Variants in OSBPL10 observed in about 807,000 individuals in gnomAD.
OSBPL10 encodes oxysterol-binding protein-related protein 10.
A neutral mutation model predicts 81.7 loss-of-function variants in OSBPL10; 49 were observed. That is an observed-to-expected ratio of 0.60 (90% confidence interval 0.48 to 0.76). The LOEUF is 0.76. Ranked by LOEUF, OSBPL10 falls within the 30% of genes least tolerant of loss-of-function variation. The pLI is 0.00. For missense variants in OSBPL10, 923 were observed against 987.8 expected (o/e 0.93, Z 0.88); for synonymous variants, 419 against 383.6 (o/e 1.09, Z -1.08).
intron 5 of OSBPL10, among the ~76,000 whole-genome samples, chr3:31,743,143 C>T (rs67856546): frequency 0.3 from 44,407 of 146,098 alleles, 6,888 homozygotes; most frequent in Middle Eastern, 0.37. Flanking sequence ...AGGGTTCAAG[C>T]GAATCTCCTG....
In OSBPL10 at chr3:31,702,340, A is replaced by T. The variant is rs761931930; in HGVS notation, c.1245+19T>A. On this transcript the variant is annotated intron_variant, in intron 7 of 11. Coordinates refer to ENST00000396556, the MANE Select transcript of OSBPL10 (RefSeq NM_017784.5). ...AACCCCAACAACTGACCACAAATCC[A>T]GGGGACATGCCAACCTACCTTGGTC... 3 of 1,612,600 alleles carry T rather than the reference A, an allele frequency of 1.9e-6. No homozygotes were observed. The Admixed American group carries it at 5.0e-5, about 27-fold the overall frequency.
chr3:31,981,150 G>C lies in OSBPL10; in HGVS notation c.30C>G (p.Gly10=). The part of the protein sequence containing the change: MERAVQGTD[G]GGGSNSSSRS... Reference sequence around the variant, plus strand: ...GGCTGCTGCTGTTGCTACCCCCGCCGCCGTCTGTGCCCTGGACTGCCCTCT... The same window carrying C: ...GGCTGCTGCTGTTGCTACCCCCGCCCCCGTCTGTGCCCTGGACTGCCCTCT... Residue 10 remains glycine (G), a synonymous_variant, in exon 1 of 12, where the codon GGC becomes GGG. Transcript: ENST00000396556. This position sits in a 1 kb window ranked among gnomAD's most constrained non-coding sequence, Gnocchi z 4.5. 2 of 1,489,796 alleles carry C rather than the reference G, an allele frequency of 1.3e-6. No individual in the cohort carries two copies. Among genetic ancestry groups the C allele is most frequent in the East Asian group, 2.9e-5 (1 of 34,072 alleles). The allele number at this position is 1,489,796 out of a possible 1,614,324, so 92.3% of individuals were successfully genotyped here.
At chr3:31,671,504 C>A (rs1215379760) in intron 8 of OSBPL10, among the ~76,000 whole-genome samples, 1 of 152,092 alleles carries the variant, frequency 6.6e-6, no homozygotes. Flanking sequence ...CAGCAGGGGT[C>A]AGACCTTGTC....
chr3:32,028,234 T>C lies in OSBPL10; in HGVS notation n.298+18257A>G, dbSNP rs115115904. On this transcript the variant is annotated intron_variant and non_coding_transcript_variant, in intron 2 of 3. Coordinates refer to the OSBPL10 transcript ENST00000479173. ...TGTGTGCCTGTCAACTTGGTCTTCA[T>C]GTCAAATGTACTGAGGATCAGTCAA... 7.3e-3 allele frequency among the ~76,000 whole-genome samples: 1,106 copies of C among 152,346 alleles called. 12 individuals carry two copies. Among genetic ancestry groups the C allele is most frequent in the African/African-American group, 0.025 (1,060 of 41,582 alleles).
At chr3:31,774,401 G>C (rs1401385035) in intron 4 of OSBPL10, among the ~76,000 whole-genome samples, 2 of 152,222 alleles carry the variant, frequency 1.3e-5, no homozygotes, top group Non-Finnish European at 2.9e-5. Context: ...GGCGAGCGGA[G>C]TGTCGAGGCT....
intron 3 of OSBPL10, among the ~76,000 whole-genome samples, chr3:31,855,563 C>G (rs1700887769): frequency 6.6e-6 from 1 of 152,214 alleles, no homozygotes; most frequent in South Asian, 2.1e-4. Context: ...GTACAAGCTA[C>G]ACGTAGTCAC....
intron 3 of OSBPL10, among the ~76,000 whole-genome samples, chr3:31,870,649 G>A (rs151319036): frequency 9.8e-5 from 15 of 152,330 alleles, no homozygotes; most frequent in East Asian, 5.8e-4. Context: ...TTGGCACTCT[G>A]TATCTCGTTC....
At chr3:31,760,631 T>C (rs1309119513) in intron 4 of OSBPL10, among the ~76,000 whole-genome samples, 1 of 152,264 alleles carries the variant, frequency 6.6e-6, no homozygotes, top group Non-Finnish European at 1.5e-5. Flanking sequence ...CCTTAGTTGG[T>C]TGAATCTAGG....
chr3:31,805,734 C>T (rs935862787), intron 4 of OSBPL10, among the ~76,000 whole-genome samples: 2 of 152,090 alleles, frequency 1.3e-5, no homozygotes, highest in African/African-American at 2.4e-5. Flanking sequence ...ATTTAGTAGA[C>T]AAAAAAGTAT....
chr3:31,849,886 C>T (rs1700719921), intron 3 of OSBPL10, among the ~76,000 whole-genome samples: 1 of 151,854 alleles, frequency 6.6e-6, no homozygotes, highest in Admixed American at 6.6e-5. Flanking sequence ...AAAATTTAGC[C>T]AGGCATGCCG....
Position 31,661,880 on chromosome 3 carries a change from C to T in OSBPL10, c.*192G>A. Reference sequence around the variant, plus strand: ...GTGTACACACACGTGCCCCGAATGGCTCTTGAATAAATTCATTCCTCTAGC... The same window carrying T: ...GTGTACACACACGTGCCCCGAATGGTTCTTGAATAAATTCATTCCTCTAGC... On this transcript the variant is annotated 3_prime_UTR_variant, in exon 12 of 12. Coordinates refer to ENST00000396556, the MANE Select transcript of OSBPL10 (RefSeq NM_017784.5). The T allele has an allele frequency of 1.3e-6, 1 of 763,294 alleles. No individual in the cohort carries two copies. The highest frequency in any genetic ancestry group is 2.0e-6 in the Non-Finnish European group (1 of 492,430). The allele number at this position is 763,294 out of a possible 1,614,324, so 47.3% of individuals were successfully genotyped here. A position where few individuals can be genotyped will look rare whatever the true frequency, so the allele number is the denominator to read the frequency against.
At chr3:31,751,319 T>C (rs924274379) in intron 4 of OSBPL10, among the ~76,000 whole-genome samples, 2 of 151,934 alleles carry the variant, frequency 1.3e-5, no homozygotes, top group African/African-American at 4.8e-5. Context: ...TACACTCCAG[T>C]CTGGGCGACA....
At chr3:31,905,969 T>C (rs1696400221) in intron 1 of OSBPL10, among the ~76,000 whole-genome samples, 1 of 151,926 alleles carries the variant, frequency 6.6e-6, no homozygotes, top group Non-Finnish European at 1.5e-5. Context: ...TGAGCAACAG[T>C]CACCACATTC....
chr3:31,823,927 G>A (rs1205107292), intron 4 of OSBPL10, among the ~76,000 whole-genome samples: 1 of 151,904 alleles, frequency 6.6e-6, no homozygotes, highest in Non-Finnish European at 1.5e-5. Context: ...TCTTGGCTCA[G>A]TGCAGCCTCC....
At chr3:32,026,567 T>A (rs1699415690) in intron 2 of OSBPL10, among the ~76,000 whole-genome samples, 1 of 152,110 alleles carries the variant, frequency 6.6e-6, no homozygotes, top group Non-Finnish European at 1.5e-5. Flanking sequence ...ACCCTAAATG[T>A]ATATTGCAAC....
intron 1 of OSBPL10, among the ~76,000 whole-genome samples, chr3:32,065,944 G>A (rs1448253827): frequency 2.8e-5 from 1 of 35,860 alleles, no homozygotes; most frequent in Non-Finnish European, 7.8e-5. Flanking sequence ...AAAGAAGAAA[G>A]AAGAAAGAAA....
intron 4 of OSBPL10, among the ~76,000 whole-genome samples, chr3:31,806,022 A>T (rs1699514149): frequency 6.6e-6 from 1 of 152,202 alleles, no homozygotes; most frequent in Non-Finnish European, 1.5e-5. Flanking sequence ...AGCACTCTTC[A>T]TAGGTATCTT....
At chr3:31,782,558 T>C (rs954343703) in intron 4 of OSBPL10, among the ~76,000 whole-genome samples, 1 of 152,158 alleles carries the variant, frequency 6.6e-6, no homozygotes, top group African/African-American at 2.4e-5. Flanking sequence ...AAAGGACTAA[T>C]ATGCAGAATG....
At chr3:31,752,412 A>G (rs1277515349) in intron 4 of OSBPL10, among the ~76,000 whole-genome samples, 2 of 152,244 alleles carry the variant, frequency 1.3e-5, no homozygotes, top group East Asian at 1.9e-4. Flanking sequence ...ATTAAATTTC[A>G]GAGATACAAT....
Sources: allele counts gnomAD v4.1 joint callset (sites outside exome capture counted in the v4.1 genomes callset), GRCh38; gene constraint gnomAD v4.1.1; non-coding constraint Gnocchi (gnomAD v3.1); transcripts MANE v1.5; gene names NCBI Gene and HGNC (gene_info 2026-07-23, HGNC 2026-07-21).